The following SLC4A10 variants were observed in gnomAD, a reference collection of about 807,000 sequenced individuals.
The protein encoded by SLC4A10 is solute carrier family 4 member 10.
Under a neutral mutation model 137.7 loss-of-function variants are expected in SLC4A10, and 42 were observed. That is an observed-to-expected ratio of 0.30 (90% CI 0.24 to 0.39). The LOEUF (loss-of-function observed/expected upper bound fraction) is 0.39, where lower values mean the gene tolerates loss of function less well. Among genes scored for constraint, SLC4A10 ranks in the 10% least tolerant of loss-of-function variants. SLC4A10 has a pLI of 1.00. For synonymous variants in SLC4A10, 474 were observed against 464.1 expected (o/e 1.02, Z -0.27); for missense variants, 925 against 1,355.0 (o/e 0.68, Z 4.98).
chr2:161,853,368 T>C (rs2125848377), intron 4 of SLC4A10, among the ~76,000 whole-genome samples: 1 of 152,344 alleles, frequency 6.6e-6, no homozygotes, highest in African/African-American at 2.4e-5. Flanking sequence ...GCTTGTTGCA[T>C]GTCAAGGAAA....
At chr2:161,699,163 G>A (rs897793965) in intron 1 of SLC4A10, among the ~76,000 whole-genome samples, 2 of 152,072 alleles carry the variant, frequency 1.3e-5, no homozygotes, top group Non-Finnish European at 2.9e-5. Context: ...GGGACTACAG[G>A]TGCCGCCACC....
chr2:161,977,437 T>A (rs1575972260), intron 25 of SLC4A10: 2 of 489,624 alleles, frequency 4.1e-6, no homozygotes, highest in South Asian at 1.9e-5. Context: ...TGGATGGTAG[T>A]TTTAAGTGCA....
intron 10 of SLC4A10, among the ~76,000 whole-genome samples, chr2:161,888,736 G>A (rs2062590865): frequency 6.6e-6 from 1 of 151,684 alleles, no homozygotes; most frequent in South Asian, 2.1e-4. Context: ...CATCTGCAGA[G>A]ACAATTTGAG....
At position 161,898,757 on chromosome 2, in the gene SLC4A10, G is replaced by A. The variant is rs146466210; in HGVS notation, c.1342-2154G>A. Among the ~76,000 whole-genome samples the A allele has an allele frequency of 3.5e-3, 535 of 152,118 alleles. 6 individuals are homozygous for A. Among genetic ancestry groups the A allele is most frequent in the African/African-American group, 0.012 (506 of 41,514 alleles). ...ACTTGCTTGGCAAAACCACAACCCT[G>A]TGAGAATCCAACACTTTACTCTGTA... On this transcript the variant is annotated intron_variant, in intron 11 of 26. Coordinates refer to ENST00000446997, the MANE Select transcript of SLC4A10 (RefSeq NM_001178015.2).
chr2:161,823,889 C>G (rs149199821), intron 3 of SLC4A10, among the ~76,000 whole-genome samples: 1 of 152,084 alleles, frequency 6.6e-6, no homozygotes, highest in East Asian at 1.9e-4. Context: ...TGGCAATTGC[C>G]GCTAGGTTTA....
In SLC4A10 at chr2:161,976,375, A is replaced by T. The variant is rs374216089; in HGVS notation, c.3228-385A>T. The stretch of plus-strand genomic sequence containing the variant: ...GTCACAAAAAGACAAATACTGTATG[A>T]TTCTGCTTATATGAGGCACTTAGAG... On this transcript the variant is annotated intron_variant, in intron 24 of 26. Transcript: ENST00000446997. Among the ~76,000 whole-genome samples the T allele has an allele frequency of 5.3e-5, 8 of 152,338 alleles. No homozygotes were observed. In the East Asian group the frequency reaches 1.5e-3, roughly 29 times the overall value.
intron 1 of SLC4A10, among the ~76,000 whole-genome samples, chr2:161,764,517 G>T (rs1415681430): frequency 1.3e-5 from 2 of 151,966 alleles, no homozygotes; most frequent in Non-Finnish European, 2.9e-5. Context: ...CTTACAAAAT[G>T]GATATAACAT....
intron 1 of SLC4A10, among the ~76,000 whole-genome samples, chr2:161,659,131 T>C (rs2037958941): frequency 6.6e-6 from 1 of 152,124 alleles, no homozygotes; most frequent in African/African-American, 2.4e-5. Flanking sequence ...TTAATTACAA[T>C]AGCAAAGATA....
At chr2:161,853,227 G>A (rs550519207) in intron 4 of SLC4A10, among the ~76,000 whole-genome samples, 2 of 152,228 alleles carry the variant, frequency 1.3e-5, no homozygotes, top group East Asian at 3.9e-4. Context: ...AATCTCAGTG[G>A]CTTAAACCCA....
At chr2:161,789,409 C>T (rs1044382752) in intron 2 of SLC4A10, among the ~76,000 whole-genome samples, 1 of 152,132 alleles carries the variant, frequency 6.6e-6, no homozygotes, top group Non-Finnish European at 1.5e-5. Flanking sequence ...CATGGGCTCT[C>T]TGAAAGCTCG....
At chr2:161,722,451 G>C (rs750800818) in intron 1 of SLC4A10, among the ~76,000 whole-genome samples, 3 of 152,154 alleles carry the variant, frequency 2.0e-5, no homozygotes, top group Non-Finnish European at 4.4e-5. Context: ...CTTCCACAGG[G>C]CTGCTGTGGT....
In SLC4A10 at chr2:161,652,426, T is replaced by TAC. The variant is rs931138522; in HGVS notation, c.48+27874_48+27875dup. Among the ~76,000 whole-genome samples the TAC allele has an allele frequency of 1.3e-3, 191 of 151,758 alleles. 1 individual carries two copies. The highest frequency in any genetic ancestry group is 4.2e-3 in the African/African-American group (174 of 41,464). On this transcript the variant is annotated intron_variant, in intron 1 of 26. Coordinates refer to ENST00000446997, the MANE Select transcript of SLC4A10 (RefSeq NM_001178015.2). ...CATGTTGAATGCAAGAGAAAAGATA[T>TAC]ACACACACACACACATATGTGAAGA...
intron 1 of SLC4A10, among the ~76,000 whole-genome samples, chr2:161,675,161 G>C (rs1431011002): frequency 5.3e-5 from 8 of 152,188 alleles, no homozygotes. Flanking sequence ...CTTAAAGCCA[G>C]AGCTTGCATC....
At chr2:161,688,988 A>G (rs1211897775) in intron 1 of SLC4A10, among the ~76,000 whole-genome samples, 4 of 152,196 alleles carry the variant, frequency 2.6e-5, no homozygotes, top group Non-Finnish European at 5.9e-5. Context: ...AAATATGTAA[A>G]AAGTAAAAAA....
At chr2:161,913,709 C>G (rs1686413415) in intron 15 of SLC4A10, among the ~76,000 whole-genome samples, 3 of 151,076 alleles carry the variant, frequency 2.0e-5, no homozygotes, top group African/African-American at 7.2e-5. Flanking sequence ...AGAGTAGAAC[C>G]CTTTTTTGTC....
intron 2 of SLC4A10, among the ~76,000 whole-genome samples, chr2:161,801,562 A>G (rs540737719): frequency 2.0e-5 from 3 of 152,082 alleles, no homozygotes; most frequent in Non-Finnish European, 4.4e-5. Context: ...GAATTACAGG[A>G]GAGAAGACAG....
chr2:161,678,118 A>G (rs1318022454), intron 1 of SLC4A10, among the ~76,000 whole-genome samples: 1 of 152,096 alleles, frequency 6.6e-6, no homozygotes, highest in African/African-American at 2.4e-5. Flanking sequence ...GTCTTTCCTC[A>G]TAACCTGACT....
intron 1 of SLC4A10, among the ~76,000 whole-genome samples, chr2:161,646,310 G>A (rs910970380): frequency 1.3e-5 from 2 of 151,926 alleles, no homozygotes; most frequent in African/African-American, 4.8e-5. Flanking sequence ...TTAGAGACTA[G>A]CTAGGTATTT....
chr2:161,742,439 CT>C (rs35953656), intron 1 of SLC4A10, among the ~76,000 whole-genome samples: 282 of 82,542 alleles, frequency 3.4e-3, no homozygotes, highest in Middle Eastern at 5.7e-3. Flanking sequence ...TTCTTTCTTT[CT>C]TTTTTTTTTT....
Sources: gnomAD v4.1 joint callset for allele counts (sites outside exome capture counted in the v4.1 genomes callset) on GRCh38, gnomAD v4.1.1 for gene constraint, MANE v1.5 for transcripts, NCBI Gene and HGNC (gene_info 2026-07-23, HGNC 2026-07-21) for gene names.